Variants in CPQ observed in about 807,000 individuals in gnomAD.
CPQ encodes the protein carboxypeptidase Q, also known as Ser-Met dipeptidase.
In CPQ, 37 loss-of-function variants were observed where a neutral mutation model predicts 45.7. That is an observed-to-expected ratio of 0.81 (90% confidence interval 0.62 to 1.07). CPQ has a LOEUF of 1.07. Ranked by LOEUF, CPQ falls within the 50% of genes least tolerant of loss-of-function variation. The pLI, the probability that CPQ is intolerant of heterozygous loss-of-function variation, is 0.00. For missense variants in CPQ, 537 were observed against 572.9 expected (o/e 0.94, Z 0.64); for synonymous variants, 186 against 205.8 (o/e 0.90, Z 0.82).
At chr8:96,924,257 GTTTTTCATTT>G (rs1812844879) in intron 4 of CPQ, among the ~76,000 whole-genome samples, 1 of 152,148 alleles carries the variant, frequency 6.6e-6, no homozygotes, top group South Asian at 2.1e-4. Flanking sequence ...GCATATCAGA[GTTTTTCATTT>G]TCTGGTAAAG....
intron 1 of CPQ, among the ~76,000 whole-genome samples, chr8:96,647,666 G>T (rs935990310): frequency 6.6e-6 from 1 of 152,182 alleles, no homozygotes; most frequent in African/African-American, 2.4e-5. Context: ...TGGGTTATTT[G>T]GGTAAATGAA....
At chr8:97,028,973 C>T (rs1466163445) in intron 5 of CPQ, among the ~76,000 whole-genome samples, 1 of 152,172 alleles carries the variant, frequency 6.6e-6, no homozygotes, top group Non-Finnish European at 1.5e-5. Context: ...AAAAAGTAAT[C>T]TACATGGCTT....
intron 7 of CPQ, among the ~76,000 whole-genome samples, chr8:97,115,137 G>C (rs968338198): frequency 2.6e-5 from 4 of 152,188 alleles, no homozygotes; most frequent in Admixed American, 6.6e-5. Flanking sequence ...TTCAGCAAAA[G>C]CTTATTAGCA....
chr8:97,044,715 A>T (rs1810202030), intron 6 of CPQ, among the ~76,000 whole-genome samples: 1 of 152,182 alleles, frequency 6.6e-6, no homozygotes, highest in South Asian at 2.1e-4. Flanking sequence ...CAGGACCCTC[A>T]GCTGCAGGTC....
intron 2 of CPQ, among the ~76,000 whole-genome samples, chr8:96,793,219 T>A (rs1186964790): frequency 6.6e-6 from 1 of 152,124 alleles, no homozygotes; most frequent in African/African-American, 2.4e-5. Flanking sequence ...ATAATAAAAA[T>A]CACCTGTATT....
chr8:96,823,555 C>T (rs1586414857), intron 2 of CPQ, among the ~76,000 whole-genome samples: 1 of 151,906 alleles, frequency 6.6e-6, no homozygotes, highest in African/African-American at 2.4e-5. Flanking sequence ...TTATCTGTAG[C>T]GTTATTTTAT....
At chr8:96,959,090 G>T (rs1417277881) in intron 4 of CPQ, among the ~76,000 whole-genome samples, 4 of 152,054 alleles carry the variant, frequency 2.6e-5, no homozygotes, top group Non-Finnish European at 5.9e-5. Context: ...TGTCTGTGCT[G>T]GGCAATAGCA....
At chr8:96,994,407 T>C (rs1273539403) in intron 5 of CPQ, among the ~76,000 whole-genome samples, 1 of 152,148 alleles carries the variant, frequency 6.6e-6, no homozygotes, top group Non-Finnish European at 1.5e-5. Context: ...AGTAGGAAGA[T>C]ACTTGGAAGC....
intron 4 of CPQ, among the ~76,000 whole-genome samples, chr8:96,955,110 C>G (rs1244204798): frequency 6.6e-5 from 10 of 152,082 alleles, no homozygotes; most frequent in Non-Finnish European, 1.2e-4. Flanking sequence ...TGGGTATATA[C>G]TCAGTAATGG....
At chr8:96,927,878 G>A (rs572651385) in intron 4 of CPQ, among the ~76,000 whole-genome samples, 1 of 152,120 alleles carries the variant, frequency 6.6e-6, no homozygotes, top group Non-Finnish European at 1.5e-5. Context: ...GATGACATGG[G>A]TTCCTTCTAA....
chr8:96,710,080 T>C (rs1809586762), intron 1 of CPQ, among the ~76,000 whole-genome samples: 1 of 152,138 alleles, frequency 6.6e-6, no homozygotes, highest in Non-Finnish European at 1.5e-5. Context: ...TGTTATTTGT[T>C]TATTCAGGGT....
At position 96,689,981 on chromosome 8, in the gene CPQ, A is replaced by G. The variant is rs576164757; in HGVS notation, c.-35+44579A>G. ...ATTTACTCTGTTTGGATTGTCTCCAATATGACCTTCATTTCTCTGATGGTT... is the reference window on the plus strand; with the variant it reads ...ATTTACTCTGTTTGGATTGTCTCCAGTATGACCTTCATTTCTCTGATGGTT... On this transcript the variant is annotated intron_variant, in intron 1 of 7. Coordinates refer to ENST00000220763, the MANE Select transcript of CPQ (RefSeq NM_016134.4). Among the ~76,000 whole-genome samples the G allele has an allele frequency of 5.3e-4, 81 of 152,270 alleles. 1 individual carries two copies. Among genetic ancestry groups the G allele is most frequent in the African/African-American group, 1.9e-3 (80 of 41,576 alleles).
chr8:96,884,165 C>G (rs901785339), intron 4 of CPQ, among the ~76,000 whole-genome samples: 8 of 152,126 alleles, frequency 5.3e-5, no homozygotes, highest in African/African-American at 1.9e-4. Context: ...CCATATTTAT[C>G]TAACAGCAAA....
At chr8:96,857,911 G>T (rs1296287547) in intron 3 of CPQ, among the ~76,000 whole-genome samples, 8 of 152,194 alleles carry the variant, frequency 5.3e-5, no homozygotes, top group Non-Finnish European at 1.2e-4. Flanking sequence ...AAAACTGAGT[G>T]TCGCAGTGAA....
At chr8:97,081,538 G>A (rs900079299) in intron 7 of CPQ, among the ~76,000 whole-genome samples, 6 of 152,148 alleles carry the variant, frequency 3.9e-5, no homozygotes, top group African/African-American at 1.4e-4. Flanking sequence ...AATTGGTCAG[G>A]CTGCAAGGCC....
chr8:97,076,034 T>G (rs937131480), intron 7 of CPQ, among the ~76,000 whole-genome samples: 1 of 152,164 alleles, frequency 6.6e-6, no homozygotes, highest in Admixed American at 6.5e-5. Context: ...TTGTTTGTTT[T>G]TTGTTTTTTG....
chr8:97,094,791 G>C (rs1811184160), intron 7 of CPQ, among the ~76,000 whole-genome samples: 1 of 151,834 alleles, frequency 6.6e-6, no homozygotes. Context: ...CCAACTTTAT[G>C]AACCTCCAGC....
intron 3 of CPQ, among the ~76,000 whole-genome samples, chr8:96,840,162 A>G (rs1018388908): frequency 3.9e-5 from 6 of 152,156 alleles, no homozygotes; most frequent in Non-Finnish European, 7.3e-5. Context: ...TGACCAAGAG[A>G]AAGGAGGTGG....
At chr8:96,870,381 G>C (rs11989258) in intron 3 of CPQ, among the ~76,000 whole-genome samples, 1 of 151,766 alleles carries the variant, frequency 6.6e-6, no homozygotes, top group Admixed American at 6.6e-5. Flanking sequence ...GATTAAATAC[G>C]GTCATGGATG....
Sources: allele counts gnomAD v4.1 joint callset (sites outside exome capture counted in the v4.1 genomes callset), GRCh38; gene constraint gnomAD v4.1.1; transcripts MANE v1.5; gene names NCBI Gene and HGNC (gene_info 2026-07-23, HGNC 2026-07-21).